The following CPQ variants were observed in gnomAD, a reference collection of about 807,000 sequenced individuals.
The protein encoded by CPQ is Ser-Met dipeptidase.
A neutral mutation model predicts 45.7 loss-of-function variants in CPQ; 37 were observed. The observed-to-expected ratio is 0.81, with a 90% CI of 0.62 to 1.07. The LOEUF (loss-of-function observed/expected upper bound fraction) is 1.07, where lower values mean the gene tolerates loss of function less well. Ranked by LOEUF, CPQ falls within the 50% of genes least tolerant of loss-of-function variation. The pLI, the probability that CPQ is intolerant of heterozygous loss-of-function variation, is 0.00. For missense variants in CPQ, 537 were observed against 572.9 expected, an observed-to-expected ratio of 0.94 and a Z score of 0.64; for synonymous variants, 186 against 205.8, an observed-to-expected ratio of 0.90 and a Z score of 0.82.
chr8:96,711,510 C>A (rs1158903830), intron 1 of CPQ, among the ~76,000 whole-genome samples: 1 of 152,128 alleles, frequency 6.6e-6, no homozygotes, highest in Admixed American at 6.5e-5. Context: ...CACAGTTCAG[C>A]ATGGCTGGGG....
Position 97,035,960 on chromosome 8 carries a change from G to A in CPQ, c.1053+6466G>A, listed in dbSNP as rs548646443. On this transcript the variant is annotated intron_variant, in intron 6 of 7. Coordinates refer to ENST00000220763, the MANE Select transcript of CPQ (RefSeq NM_016134.4). ...CTGACCTCATGATCCGCCCACCACG[G>A]CCTCCCAAAGTGCTGGGATTACAGG... Among the ~76,000 whole-genome samples, 8 of 152,212 alleles carry A rather than the reference G, an allele frequency of 5.3e-5. No individual in the cohort carries two copies. The East Asian group carries it at 1.5e-3, about 29-fold the overall frequency.
At chr8:97,058,986 G>A (rs1810501614) in intron 6 of CPQ, among the ~76,000 whole-genome samples, 1 of 152,000 alleles carries the variant, frequency 6.6e-6, no homozygotes, top group Admixed American at 6.6e-5. Context: ...ACTCTTTTTA[G>A]CTAATGTTTA....
At chr8:97,044,161 T>C (rs1810188999) in intron 6 of CPQ, among the ~76,000 whole-genome samples, 1 of 152,190 alleles carries the variant, frequency 6.6e-6, no homozygotes, top group Non-Finnish European at 1.5e-5. Flanking sequence ...AGTCCCCTAT[T>C]TCTTGGAGGC....
intron 1 of CPQ, among the ~76,000 whole-genome samples, chr8:96,735,894 T>C (rs1809975954): frequency 6.6e-6 from 1 of 152,164 alleles, no homozygotes; most frequent in Non-Finnish European, 1.5e-5. Flanking sequence ...CCTTCGTCCA[T>C]TGGGAAGATT....
At chr8:96,925,044 T>C (rs1167319751) in intron 4 of CPQ, among the ~76,000 whole-genome samples, 1 of 152,208 alleles carries the variant, frequency 6.6e-6, no homozygotes, top group Non-Finnish European at 1.5e-5. Context: ...GTGAAAGAAA[T>C]CCACTTGGGA....
chr8:97,040,698 A>G (rs1285486334), intron 6 of CPQ, among the ~76,000 whole-genome samples: 2 of 152,086 alleles, frequency 1.3e-5, no homozygotes, highest in Admixed American at 6.5e-5. Flanking sequence ...AGCTTTCTAC[A>G]TATGGCTAGC....
chr8:96,705,368 T>C (rs1299844603), intron 1 of CPQ, among the ~76,000 whole-genome samples: 1 of 152,170 alleles, frequency 6.6e-6, no homozygotes, highest in African/African-American at 2.4e-5. Flanking sequence ...TGAGTGGGAA[T>C]ACAGAGCTTT....
At chr8:96,778,296 A>G (rs1205344372) in intron 1 of CPQ, among the ~76,000 whole-genome samples, 1 of 152,052 alleles carries the variant, frequency 6.6e-6, no homozygotes, top group Non-Finnish European at 1.5e-5. Context: ...CTATTTATTA[A>G]TGAAAAACTA....
intron 4 of CPQ, among the ~76,000 whole-genome samples, chr8:96,951,119 T>C (rs1813257940): frequency 6.6e-6 from 1 of 152,126 alleles, no homozygotes; most frequent in Non-Finnish European, 1.5e-5. Flanking sequence ...CTTTCATCTT[T>C]AAACAACGCT....
intron 5 of CPQ, among the ~76,000 whole-genome samples, chr8:97,011,588 G>A (rs1256843813): frequency 6.6e-6 from 1 of 152,154 alleles, no homozygotes; most frequent in Admixed American, 6.6e-5. Flanking sequence ...GGCAGTCCTA[G>A]GTTTGAATCC....
chr8:96,975,573 AC>A (rs1487087355), intron 5 of CPQ, among the ~76,000 whole-genome samples: 4 of 152,126 alleles, frequency 2.6e-5, no homozygotes, highest in Non-Finnish European at 4.4e-5. Flanking sequence ...TCCCTGATGA[AC>A]GTAGATGCTA....
intron 5 of CPQ, among the ~76,000 whole-genome samples, chr8:97,025,437 G>A (rs1054641628): frequency 2.6e-5 from 4 of 152,146 alleles, no homozygotes; most frequent in South Asian, 2.1e-4. Context: ...AGGTCAAGGC[G>A]TCTCTGGCAA....
intron 7 of CPQ, among the ~76,000 whole-genome samples, chr8:97,106,112 C>T (rs575409713): frequency 6.6e-6 from 1 of 152,282 alleles, no homozygotes; most frequent in South Asian, 2.1e-4. Context: ...TACATACCAG[C>T]AGAGATTGGA....
At chr8:97,040,613 T>C (rs1810101403) in intron 6 of CPQ, among the ~76,000 whole-genome samples, 1 of 152,274 alleles carries the variant, frequency 6.6e-6, no homozygotes, top group African/African-American at 2.4e-5. Context: ...TGTTATGGTT[T>C]TAGTTCTAAC....
chr8:96,886,624 C>G (rs944517647), intron 4 of CPQ, among the ~76,000 whole-genome samples: 1 of 152,196 alleles, frequency 6.6e-6, no homozygotes, highest in Non-Finnish European at 1.5e-5. Flanking sequence ...CCAAGGAGAA[C>G]TTGTCCAAGG....
chr8:96,721,970 T>A (rs2130763422), intron 1 of CPQ, among the ~76,000 whole-genome samples: 1 of 152,358 alleles, frequency 6.6e-6, no homozygotes, highest in Admixed American at 6.5e-5. Flanking sequence ...AGATTTAACT[T>A]CTTCTGGTAG....
chr8:96,836,476 G>T (rs1016198550), intron 3 of CPQ, among the ~76,000 whole-genome samples: 1 of 152,042 alleles, frequency 6.6e-6, no homozygotes, highest in African/African-American at 2.4e-5. Flanking sequence ...TGTTCTTTGC[G>T]GGGTCTTTAG....
intron 7 of CPQ, among the ~76,000 whole-genome samples, chr8:97,079,957 A>G (rs1810916975): frequency 6.6e-6 from 1 of 152,180 alleles, no homozygotes; most frequent in Non-Finnish European, 1.5e-5. Flanking sequence ...GATTCAGGAC[A>G]GCTAGAAACT....
intron 3 of CPQ, among the ~76,000 whole-genome samples, chr8:96,877,544 T>A (rs774489653): frequency 6.6e-6 from 1 of 152,332 alleles, no homozygotes; most frequent in Non-Finnish European, 1.5e-5. Context: ...TCCTACATGT[T>A]GCAAGGTAAT....
Sources: gnomAD v4.1 joint callset for allele counts (sites outside exome capture counted in the v4.1 genomes callset) on GRCh38, gnomAD v4.1.1 for gene constraint, MANE v1.5 for transcripts, NCBI Gene and HGNC (gene_info 2026-07-23, HGNC 2026-07-21) for gene names.